LRRFIP1: variants seen among roughly 807,000 people sequenced by gnomAD.
LRRFIP1 encodes the protein leucine-rich repeat flightless-interacting protein 1.
Under a neutral mutation model 104.4 loss-of-function variants are expected in LRRFIP1, and 62 were observed. The ratio of observed to expected loss-of-function variants is 0.59; its 90% CI spans 0.48 to 0.73. LRRFIP1 has a LOEUF of 0.73. Ranked by LOEUF, LRRFIP1 falls within the 30% of genes least tolerant of loss-of-function variation. LRRFIP1 has a pLI of 0.00. For synonymous variants in LRRFIP1, 300 were observed against 299.0 expected, an observed-to-expected ratio of 1.00 and a Z score of -0.03; for missense variants, 796 against 824.5, an observed-to-expected ratio of 0.97 and a Z score of 0.42.
At chr2:237,659,801 C>T (rs1277941311) in intron 1 of LRRFIP1, among the ~76,000 whole-genome samples, 2 of 151,754 alleles carry the variant, frequency 1.3e-5, no homozygotes, top group Admixed American at 1.3e-4. Context: ...CCACCACGCC[C>T]AGCTAATTTT....
intron 16 of LRRFIP1, 24 bp downstream of exon 16, chr2:237,756,211 C>G: frequency 1.3e-6 from 2 of 1,581,068 alleles, no homozygotes; most frequent in African/African-American, 1.3e-5. Context: ...TCCTGCTTTT[C>G]TTTTCCTTTT....
rs1312197270 is a variant in LRRFIP1, at chr2:237,727,750, GA to G, written c.385-125del. 1.7e-5 allele frequency: 12 copies of G among 695,696 alleles called. No individual in the cohort carries two copies. The East Asian group carries it at 2.8e-4, about 16-fold the overall frequency. The allele number at this position is 695,696 out of a possible 1,614,324, so 43.1% of individuals were successfully genotyped here. A position where few individuals can be genotyped will look rare whatever the true frequency, so the allele number is the denominator to read the frequency against. Reference sequence around the variant, plus strand: ...AGCTGCCAGGACTTGTACTGTCCTGGACTGGTCATTCATCCGCTCCACAAGA... The same window carrying G: ...AGCTGCCAGGACTTGTACTGTCCTGGCTGGTCATTCATCCGCTCCACAAGA... On this transcript the variant is annotated intron_variant, in intron 7 of 23. Coordinates refer to ENST00000308482, the MANE Select transcript of LRRFIP1 (RefSeq NM_001137550.2).
chr2:237,662,790 T>C (rs1377069355), intron 1 of LRRFIP1, among the ~76,000 whole-genome samples: 1 of 152,054 alleles, frequency 6.6e-6, no homozygotes. Context: ...CTGGGCCAGA[T>C]TGAGGACTAG....
rs529077649 is a variant in LRRFIP1 at position 237,781,534 on chromosome 2, A to G, written c.*2002A>G. ...CCTTCAGTCTCTACCTCTCCCACCA[A>G]TTCTTTTGGAAACAGCAAACCAATG... is the stretch of plus-strand genomic sequence containing the variant. On this transcript the variant is annotated 3_prime_UTR_variant, in exon 24 of 24. Transcript: ENST00000308482. 1.3e-5 allele frequency among the ~76,000 whole-genome samples: 2 copies of G among 152,330 alleles called. No homozygotes were observed. The highest frequency in any genetic ancestry group is 2.9e-5 in the Non-Finnish European group (2 of 68,038).
At chr2:237,728,026 C>G in intron 8 of LRRFIP1, 91 bp downstream of exon 8, 2 of 925,920 alleles carry the variant, frequency 2.2e-6, no homozygotes, top group Non-Finnish European at 3.3e-6. Flanking sequence ...TTAAATTTAG[C>G]TTCTTTGCTG....
intron 2 of LRRFIP1, among the ~76,000 whole-genome samples, chr2:237,709,329 A>C (rs532948762): frequency 6.6e-6 from 1 of 152,168 alleles, no homozygotes; most frequent in Non-Finnish European, 1.5e-5. Flanking sequence ...ACCCCCACTC[A>C]GTCCATGTTC....
At chr2:237,714,202 G>A in intron 2 of LRRFIP1, 57 bp from the exon 3 acceptor site, 5 of 1,253,368 alleles carry the variant, frequency 4.0e-6, no homozygotes, top group Non-Finnish European at 5.7e-6. Context: ...TCATTCTGAT[G>A]TTACTGCTTC....
rs940556136 is a variant in LRRFIP1, at chr2:237,649,820, A to T, written c.96+22080A>T. On this transcript the variant is annotated intron_variant, in intron 1 of 23. Coordinates refer to ENST00000308482, the MANE Select transcript of LRRFIP1 (RefSeq NM_001137550.2). The surrounding 1 kb of genome is among the most constrained non-coding windows in gnomAD (Gnocchi z 4.1). ...GCTGAGTTCATTTACCTGCTCATTC[A>T]TGTATTCACTTTTCCTCCGATTCAA... Among the ~76,000 whole-genome samples the T allele has an allele frequency of 6.6e-6, 1 of 151,536 alleles. No homozygotes were observed. Among genetic ancestry groups the T allele is most frequent in the Non-Finnish European group, 1.5e-5 (1 of 67,820 alleles).
chr2:237,670,062 G>A (rs1010605842), intron 1 of LRRFIP1, among the ~76,000 whole-genome samples: 1 of 152,206 alleles, frequency 6.6e-6, no homozygotes. Context: ...GTGGGAGATA[G>A]TTCTAATTTT....
At chr2:237,776,381 T>A (rs145852907) in intron 23 of LRRFIP1, among the ~76,000 whole-genome samples, 1 of 152,348 alleles carries the variant, frequency 6.6e-6, no homozygotes, top group Non-Finnish European at 1.5e-5. Context: ...TGTAAATGTC[T>A]CCAATGTGGT....
At chr2:237,633,032 G>A (rs1459371800) in intron 1 of LRRFIP1, among the ~76,000 whole-genome samples, 1 of 152,194 alleles carries the variant, frequency 6.6e-6, no homozygotes, top group African/African-American at 2.4e-5. Flanking sequence ...TTGCCATTGG[G>A]GCTGGGCCCT....
At chr2:237,772,242 C>T (rs759819541) in intron 21 of LRRFIP1, 44 bp downstream of exon 21, 2 of 1,447,730 alleles carry the variant, frequency 1.4e-6, no homozygotes, top group African/African-American at 1.4e-5. Flanking sequence ...TTCACATGTG[C>T]TGTTTTAGTA....
At chr2:237,685,147 G>C (rs1206832930) in intron 1 of LRRFIP1, among the ~76,000 whole-genome samples, 2 of 149,898 alleles carry the variant, frequency 1.3e-5, no homozygotes, top group Non-Finnish European at 2.9e-5. Flanking sequence ...ATCAGAAGTG[G>C]TTTTCTTAGA....
intron 16 of LRRFIP1, 100 bp from the exon 17 acceptor site, chr2:237,757,356 G>A: frequency 1.4e-6 from 1 of 708,538 alleles, no homozygotes; most frequent in Non-Finnish European, 2.4e-6. Flanking sequence ...AAGAGTGCTT[G>A]CGGCCTCACT....
chr2:237,735,346 C>A lies in LRRFIP1; in HGVS notation c.555+13C>A. The A allele has an allele frequency of 6.2e-7, 1 of 1,611,652 alleles. No homozygotes were observed. The highest frequency in any genetic ancestry group is 8.5e-7 in the Non-Finnish European group (1 of 1,179,476). ...CGGCTCCCGTGCTGTAAGGCGCTTTCGGTGATACCTCCTTTCCCCCGTGCC... is the reference window on the plus strand; with the variant it reads ...CGGCTCCCGTGCTGTAAGGCGCTTTAGGTGATACCTCCTTTCCCCCGTGCC... On this transcript the variant is annotated intron_variant, in intron 10 of 23. Coordinates refer to ENST00000308482, the MANE Select transcript of LRRFIP1 (RefSeq NM_001137550.2). This position sits in a 1 kb window ranked among gnomAD's most constrained non-coding sequence, Gnocchi z 4.6.
intron 1 of LRRFIP1, among the ~76,000 whole-genome samples, chr2:237,654,438 TA>T (rs1171844780): frequency 6.6e-6 from 1 of 152,236 alleles, no homozygotes; most frequent in Non-Finnish European, 1.5e-5. Flanking sequence ...ACAGCCATTG[TA>T]GAAAACAGTA....
rs762041134 is a variant in LRRFIP1, at chr2:237,708,590, G to A, written c.143G>A (p.Arg48His). 3.8e-6 allele frequency: 6 copies of A among 1,599,732 alleles called. No individual in the cohort carries two copies. Among genetic ancestry groups the A allele is most frequent in the Non-Finnish European group, 5.1e-6 (6 of 1,171,062 alleles). Residue 48 changes from arginine (R) to histidine (H), a missense_variant, in exon 2 of 24, where the codon CGC (arginine) becomes CAC (histidine). By Grantham distance (29) the Arg-to-His change is conservative. Coordinates refer to ENST00000308482, the MANE Select transcript of LRRFIP1 (RefSeq NM_001137550.2). ...AAKRAARAEA[R>H]EIRMKELERQ... ...AAACGGGCGGCCCGCGCGGAGGCTC[G>A]CGAGATCCGCATGAAGGAGCTGGAG...
chr2:237,658,549 A>G (rs1195312656), intron 1 of LRRFIP1, among the ~76,000 whole-genome samples: 1 of 152,204 alleles, frequency 6.6e-6, no homozygotes, highest in Non-Finnish European at 1.5e-5. Flanking sequence ...ACTGCCCAAG[A>G]CTGGGTAATT....
chr2:237,691,316 G>T lies in LRRFIP1; in HGVS notation c.97-17228G>T, dbSNP rs931252372. ...ATTGGGAGTTACGAGGGCGCCCTGTGCCTGGAGGTGGCGCGGGCTGGAGCC... is the reference window on the plus strand; with the variant it reads ...ATTGGGAGTTACGAGGGCGCCCTGTTCCTGGAGGTGGCGCGGGCTGGAGCC... On this transcript the variant is annotated intron_variant, in intron 1 of 23. Coordinates refer to ENST00000308482, the MANE Select transcript of LRRFIP1 (RefSeq NM_001137550.2). This position sits in a 1 kb window ranked among gnomAD's most constrained non-coding sequence, Gnocchi z 5.4. Among the ~76,000 whole-genome samples the T allele has an allele frequency of 6.6e-6, 1 of 152,242 alleles. No homozygotes were observed. The highest frequency in any genetic ancestry group is 6.5e-5 in the Admixed American group (1 of 15,288).
Sources: gnomAD v4.1 joint callset for allele counts (sites outside exome capture counted in the v4.1 genomes callset) on GRCh38, gnomAD v4.1.1 for gene constraint, Gnocchi (gnomAD v3.1) non-coding constraint, MANE v1.5 for transcripts, NCBI Gene and HGNC (gene_info 2026-07-23, HGNC 2026-07-21) for gene names.